The following BNC2 variants were observed in gnomAD, a reference collection of about 807,000 sequenced individuals.
BNC2 encodes the protein zinc finger protein basonuclin-2.
Under a neutral mutation model 76.3 loss-of-function variants are expected in BNC2, and 20 were observed. That is an observed-to-expected ratio of 0.26 (90% CI 0.18 to 0.38). BNC2 has a LOEUF of 0.38. BNC2 is among the 10% of genes least tolerant of loss of function. BNC2 has a pLI of 1.00. For missense variants in BNC2, 1,382 were observed against 1,399.8 expected (o/e 0.99, Z 0.20); for synonymous variants, 582 against 514.8 (o/e 1.13, Z -1.77).
At chr9:16,788,546 C>A (rs1826373920) in intron 1 of BNC2, among the ~76,000 whole-genome samples, 1 of 143,910 alleles carries the variant, frequency 6.9e-6, no homozygotes, top group Admixed American at 7.1e-5. Context: ...GAGCAACACT[C>A]CTTCTCAAAA....
chr9:16,653,951 G>C (rs1187607995), intron 3 of BNC2, among the ~76,000 whole-genome samples: 1 of 151,468 alleles, frequency 6.6e-6, no homozygotes, highest in African/African-American at 2.4e-5. Context: ...CCTCCTGCCT[G>C]CCCCAGCTCT....
chr9:16,595,053 C>A (rs1221246466), intron 3 of BNC2, among the ~76,000 whole-genome samples: 1 of 152,034 alleles, frequency 6.6e-6, no homozygotes. Flanking sequence ...AAGTGGTACA[C>A]TTTTAAATAA....
chr9:16,740,030 G>A (rs7047356), intron 1 of BNC2, among the ~76,000 whole-genome samples: 12,513 of 152,180 alleles, frequency 0.082, 1,171 homozygotes, highest in East Asian at 0.47. Context: ...AAAACAAGTG[G>A]CCAAGGTTAG....
At chr9:16,604,410 T>C (rs1820324151) in intron 3 of BNC2, among the ~76,000 whole-genome samples, 2 of 152,216 alleles carry the variant, frequency 1.3e-5, no homozygotes, top group African/African-American at 4.8e-5. Flanking sequence ...ACTTTAAATA[T>C]AAATCCTTTT....
At chr9:16,797,195 A>G (rs1246336885) in intron 1 of BNC2, among the ~76,000 whole-genome samples, 1 of 152,118 alleles carries the variant, frequency 6.6e-6, no homozygotes, top group Non-Finnish European at 1.5e-5. Flanking sequence ...GGTAGCTACT[A>G]CTATTATCCC....
At chr9:16,836,167 G>A (rs1222754111) in intron 1 of BNC2, among the ~76,000 whole-genome samples, 3 of 152,128 alleles carry the variant, frequency 2.0e-5, no homozygotes, top group African/African-American at 7.2e-5. Flanking sequence ...TCCCAGATTA[G>A]GATTTGGGAA....
chr9:16,647,742 G>GT (rs1293130398), intron 3 of BNC2, among the ~76,000 whole-genome samples: 1 of 152,096 alleles, frequency 6.6e-6, no homozygotes, highest in Non-Finnish European at 1.5e-5. Flanking sequence ...CATCAATTTA[G>GT]TAAGTACAAT....
chr9:16,796,298 A>G (rs1450137828), intron 1 of BNC2, among the ~76,000 whole-genome samples: 1 of 152,226 alleles, frequency 6.6e-6, no homozygotes, highest in Non-Finnish European at 1.5e-5. Flanking sequence ...AAATTTCACA[A>G]AAGTCTAGTC....
chr9:16,748,836 G>A (rs755858317), intron 1 of BNC2, among the ~76,000 whole-genome samples: 632 of 49,992 alleles, frequency 0.013, 6 homozygotes, highest in Admixed American at 0.028. Flanking sequence ...GAGCGAAACC[G>A]TCTCAAAAAA....
chr9:16,760,395 G>A (rs928610846), intron 1 of BNC2, among the ~76,000 whole-genome samples: 4 of 152,204 alleles, frequency 2.6e-5, no homozygotes, highest in Admixed American at 1.3e-4. Context: ...ATATTACAAC[G>A]GTTTATGGTC....
intron 1 of BNC2, among the ~76,000 whole-genome samples, chr9:16,828,855 T>A (rs1818512075): frequency 6.6e-6 from 1 of 152,180 alleles, no homozygotes; most frequent in Admixed American, 6.5e-5. Context: ...GGCACTGGAA[T>A]AACCTGAATA....
intron 5 of BNC2, among the ~76,000 whole-genome samples, chr9:16,468,744 T>C (rs1468011648): frequency 2.0e-5 from 3 of 152,120 alleles, no homozygotes; most frequent in African/African-American, 4.8e-5. Context: ...GTAGGTACTA[T>C]TATCATCTCC....
intron 3 of BNC2, among the ~76,000 whole-genome samples, chr9:16,599,004 G>A (rs1053393951): frequency 6.6e-6 from 1 of 152,180 alleles, no homozygotes; most frequent in Non-Finnish European, 1.5e-5. Context: ...TCAAGGACAT[G>A]TAAAACTTTA....
intron 5 of BNC2, among the ~76,000 whole-genome samples, chr9:16,499,203 G>C (rs1287930192): frequency 1.1e-5 from 1 of 90,874 alleles, no homozygotes; most frequent in East Asian, 3.8e-4. Flanking sequence ...TTAATTCTTA[G>C]TAAATCTTCC....
chr9:16,832,325 C>A, intron 1 of BNC2: 5 of 1,264,916 alleles, frequency 4.0e-6, no homozygotes, highest in Non-Finnish European at 5.1e-6. Flanking sequence ...CCATGAAGCA[C>A]AGAATTCCAG....
chr9:16,594,737 T>G (rs1053099327), intron 3 of BNC2, among the ~76,000 whole-genome samples: 1 of 152,102 alleles, frequency 6.6e-6, no homozygotes, highest in East Asian at 1.9e-4. Context: ...TAGAGATTTT[T>G]TCAAACAGCA....
chr9:16,440,687 T>C (rs1821108747), intron 5 of BNC2, among the ~76,000 whole-genome samples: 1 of 152,288 alleles, frequency 6.6e-6, no homozygotes, highest in Non-Finnish European at 1.5e-5. Flanking sequence ...AGCAGTCCCA[T>C]ATGGTTTCTC....
At chr9:16,621,613 A>T (rs573046567) in intron 3 of BNC2, among the ~76,000 whole-genome samples, 1 of 152,268 alleles carries the variant, frequency 6.6e-6, no homozygotes, top group Admixed American at 6.5e-5. Flanking sequence ...TAAGACTTTG[A>T]AAATCCAAGT....
At chr9:16,758,494 C>CT (rs368700640) in intron 1 of BNC2, among the ~76,000 whole-genome samples, 4 of 152,234 alleles carry the variant, frequency 2.6e-5, no homozygotes, top group African/African-American at 9.6e-5. Flanking sequence ...CCACACCCGG[C>CT]TCCTTTTTGT....
Sources: gnomAD v4.1 joint callset for allele counts (sites outside exome capture counted in the v4.1 genomes callset) on GRCh38, gnomAD v4.1.1 for gene constraint, MANE v1.5 for transcripts, NCBI Gene and HGNC (gene_info 2026-07-23, HGNC 2026-07-21) for gene names.